Variants in PLCG2 observed in about 807,000 individuals in gnomAD.
The protein encoded by PLCG2 is 1-phosphatidylinositol 4,5-bisphosphate phosphodiesterase gamma-2.
Under a neutral mutation model 175.6 loss-of-function variants are expected in PLCG2, and 69 were observed. The ratio of observed to expected loss-of-function variants is 0.39; its 90% CI spans 0.32 to 0.48. PLCG2 has a LOEUF of 0.48. PLCG2 is among the 20% of genes least tolerant of loss of function. The pLI, the probability that PLCG2 is intolerant of heterozygous loss-of-function variation, is 0.91. For synonymous variants in PLCG2, 827 were observed against 624.0 expected (o/e 1.33, Z -4.85); for missense variants, 1,798 against 1,650.9 (o/e 1.09, Z -1.54).
chr16:81,825,785 A>G (rs537876422), intron 2 of PLCG2, among the ~76,000 whole-genome samples: 2 of 152,264 alleles, frequency 1.3e-5, no homozygotes, highest in East Asian at 1.9e-4. Context: ...GCCCCTCCAC[A>G]TGCTGGAGAC....
At chr16:81,775,199 A>G (rs1025933548), upstream of PLCG2, among the ~76,000 whole-genome samples, 2 of 152,180 alleles carry the variant, frequency 1.3e-5, no homozygotes, top group African/African-American at 4.8e-5. Context: ...CATCCCAAAG[A>G]GCAGCCCTGT....
At chr16:81,870,093 G>A (rs746358737) in intron 6 of PLCG2, among the ~76,000 whole-genome samples, 1 of 152,074 alleles carries the variant, frequency 6.6e-6, no homozygotes, top group African/African-American at 2.4e-5. Context: ...CCTTTGACCT[G>A]CCCCCAATAT....
At chr16:81,866,971 C>G (rs749926175) in intron 5 of PLCG2, among the ~76,000 whole-genome samples, 7 of 152,228 alleles carry the variant, frequency 4.6e-5, no homozygotes, top group Middle Eastern at 3.2e-3. Context: ...CCAGCCAGCC[C>G]CAGCTGGCCC....
At chr16:81,747,936 G>T (rs1199293882) in intron 1 of PLCG2, among the ~76,000 whole-genome samples, 1 of 151,920 alleles carries the variant, frequency 6.6e-6, no homozygotes, top group Non-Finnish European at 1.5e-5. Context: ...GTGCAGTAGC[G>T]TGATCTTGGG....
At chr16:81,777,336 T>C (rs1910435093), upstream of PLCG2, among the ~76,000 whole-genome samples, 1 of 150,342 alleles carries the variant, frequency 6.7e-6, no homozygotes, top group Non-Finnish European at 1.5e-5. Flanking sequence ...TAATAAATTA[T>C]ACATATATAT....
chr16:81,845,692 C>T (rs1479434139), intron 2 of PLCG2, among the ~76,000 whole-genome samples: 3 of 152,254 alleles, frequency 2.0e-5, no homozygotes, highest in African/African-American at 4.8e-5. Flanking sequence ...TGACCGCTCT[C>T]TGTGCAGCTC....
At chr16:81,773,394 G>C (rs1213945334) in intron 2 of PLCG2, among the ~76,000 whole-genome samples, 1 of 152,174 alleles carries the variant, frequency 6.6e-6, no homozygotes, top group Non-Finnish European at 1.5e-5. Context: ...ACATGAGAAC[G>C]AGGGGCTTTT....
intron 2 of PLCG2, among the ~76,000 whole-genome samples, chr16:81,765,222 T>C (rs1910122300): frequency 6.6e-6 from 1 of 152,202 alleles, no homozygotes; most frequent in Non-Finnish European, 1.5e-5. Context: ...ATGTGACAAC[T>C]GAGGCAGAGG....
At chr16:81,869,445 A>G (rs753723522) in intron 6 of PLCG2, 147 bp downstream of exon 6, 153 of 642,592 alleles carry the variant, frequency 2.4e-4, no homozygotes, top group Middle Eastern at 7.0e-4. Flanking sequence ...AGACAGAGGG[A>G]TCATGGACAT....
chr16:81,940,031 C>T lies in PLCG2; in HGVS notation c.3453C>T (p.Ala1151=), dbSNP rs1361997401. Residue 1151 remains alanine (A), a synonymous_variant, in exon 30 of 33, where the codon GCC becomes GCT. Coordinates refer to ENST00000564138, the MANE Select transcript of PLCG2 (RefSeq NM_002661.5). ...MFSDPNFLAH[A]TYPIKAVKSG... ...GCGATCCCAACTTTCTTGCTCATGC[C>T]ACTTACCCCATTAAAGCAGTCAAAT... The T allele has an allele frequency of 1.2e-6, 2 of 1,613,724 alleles. No individual in the cohort carries two copies. The highest frequency in any genetic ancestry group is 1.7e-6 in the Non-Finnish European group (2 of 1,179,624).
At chr16:81,852,826 G>A (rs1295275139) in intron 2 of PLCG2, among the ~76,000 whole-genome samples, 1 of 152,164 alleles carries the variant, frequency 6.6e-6, no homozygotes, top group East Asian at 1.9e-4. Context: ...TGGGGCCAGA[G>A]GATCCACTTC....
At chr16:81,749,940 G>A (rs182617678) in intron 1 of PLCG2, among the ~76,000 whole-genome samples, 1 of 152,122 alleles carries the variant, frequency 6.6e-6, no homozygotes, top group East Asian at 1.9e-4. Flanking sequence ...GGAATGCAAG[G>A]TACCATGGTT....
At chr16:81,897,428 G>A (rs1012956547) in intron 13 of PLCG2, among the ~76,000 whole-genome samples, 5 of 152,168 alleles carry the variant, frequency 3.3e-5, no homozygotes, top group African/African-American at 1.2e-4. Context: ...CTCACAGGGC[G>A]GTTGTGATGA....
At chr16:81,853,893 C>G (rs1413037597) in intron 2 of PLCG2, among the ~76,000 whole-genome samples, 1 of 152,102 alleles carries the variant, frequency 6.6e-6, no homozygotes, top group African/African-American at 2.4e-5. Flanking sequence ...TGTTACCATC[C>G]CCAACGCTGG....
chr16:81,944,371 T>C (rs2143749820), intron 30 of PLCG2, among the ~76,000 whole-genome samples: 1 of 152,324 alleles, frequency 6.6e-6, no homozygotes, highest in East Asian at 1.9e-4. Flanking sequence ...ATAACGATTA[T>C]TTACACAGTA....
intron 2 of PLCG2, among the ~76,000 whole-genome samples, chr16:81,822,882 C>T (rs1597338056): frequency 6.6e-6 from 1 of 152,126 alleles, no homozygotes; most frequent in African/African-American, 2.4e-5. Flanking sequence ...GGCCACACGG[C>T]CACGATTGCA....
At chr16:81,915,399 G>A (rs545650785) in intron 19 of PLCG2, among the ~76,000 whole-genome samples, 1 of 152,208 alleles carries the variant, frequency 6.6e-6, no homozygotes, top group Non-Finnish European at 1.5e-5. Flanking sequence ...GTTGTTGCCC[G>A]GCTGTGATTG....
intron 24 of PLCG2, among the ~76,000 whole-genome samples, chr16:81,929,340 A>AAGTTCCAGGT (rs2143707469): frequency 6.6e-6 from 1 of 152,368 alleles, no homozygotes; most frequent in East Asian, 1.9e-4. Flanking sequence ...AGGTGACAGC[A>AAGTTCCAGGT]GCCCCAGGAA....
rs375485784 is a variant in PLCG2 at position 81,810,076 on chromosome 16, C to T, written c.193+23894C>T. Among the ~76,000 whole-genome samples, 11 of 152,144 alleles carry T rather than the reference C, an allele frequency of 7.2e-5. No individual in the cohort carries two copies. In the South Asian group the frequency reaches 2.3e-3, roughly 32 times the overall value. ...GCGTGATCTCAGCTCACTGCAACCTCCTCCTCCTGGGTTCAAGTGATTCTC... is the reference window on the plus strand; with the variant it reads ...GCGTGATCTCAGCTCACTGCAACCTTCTCCTCCTGGGTTCAAGTGATTCTC... On this transcript the variant is annotated intron_variant, in intron 2 of 32. Transcript: ENST00000564138.
Sources: allele counts gnomAD v4.1 joint callset (sites outside exome capture counted in the v4.1 genomes callset), GRCh38; gene constraint gnomAD v4.1.1; transcripts MANE v1.5; gene names NCBI Gene and HGNC (gene_info 2026-07-23, HGNC 2026-07-21).